Variants in ERG observed in about 807,000 individuals in gnomAD.
ERG encodes the protein transcriptional regulator ERG.
ERG carries 9 observed loss-of-function variants against 55.3 expected under a neutral mutation model. The ratio of observed to expected loss-of-function variants is 0.16; its 90% CI spans 0.10 to 0.28. The LOEUF (loss-of-function observed/expected upper bound fraction) is 0.28, where lower values mean the gene tolerates loss of function less well. Ranked by LOEUF, ERG falls within the 10% of genes least tolerant of loss-of-function variation. ERG has a pLI of 1.00. For synonymous variants in ERG, 223 were observed against 237.3 expected, an observed-to-expected ratio of 0.94 and a Z score of 0.55; for missense variants, 434 against 631.6, an observed-to-expected ratio of 0.69 and a Z score of 3.35.
intron 1 of ERG, among the ~76,000 whole-genome samples, chr21:38,622,319 C>T (rs1428322800): frequency 4.6e-5 from 7 of 152,176 alleles, no homozygotes; most frequent in Admixed American, 6.5e-5. Flanking sequence ...GGCTCTGCCG[C>T]GCCGAGGGAA....
chr21:38,467,582 C>T (rs142737005), intron 1 of ERG, among the ~76,000 whole-genome samples: 4 of 152,218 alleles, frequency 2.6e-5, no homozygotes, highest in Non-Finnish European at 4.4e-5. Context: ...GACACACCCG[C>T]GGAGGTTCTG....
intron 1 of ERG, among the ~76,000 whole-genome samples, chr21:38,652,906 T>C (rs459813): frequency 0.74 from 113,059 of 152,118 alleles, 42,076 homozygotes; most frequent in Middle Eastern, 0.77. Flanking sequence ...TTTCATGATG[T>C]GCACATTCAC....
In ERG at chr21:38,642,522, C is replaced by T. The variant is rs527534036; in HGVS notation, c.-150+19136G>A. The stretch of plus-strand genomic sequence containing the variant: ...CTCTCACCTGCAGATTCTCAGAGCA[C>T]ACTACATCCTGCCAAGTCTCCAGCG... On this transcript the variant is annotated intron_variant, in intron 1 of 10. Coordinates refer to the ERG transcript ENST00000398910. 7.9e-5 allele frequency among the ~76,000 whole-genome samples: 12 copies of T among 152,262 alleles called. No individual in the cohort carries two copies. The South Asian group carries it at 2.3e-3, about 29-fold the overall frequency.
intron 2 of ERG, among the ~76,000 whole-genome samples, chr21:38,431,653 A>G (rs1173479302): frequency 6.6e-6 from 1 of 152,214 alleles, no homozygotes; most frequent in African/African-American, 2.4e-5. Flanking sequence ...CAAAGACACA[A>G]GTGCATCTGA....
At chr21:38,498,545 G>C (rs1568857030), upstream of ERG, 1 of 1,355,028 alleles carries the variant, frequency 7.4e-7, no homozygotes, top group Non-Finnish European at 9.4e-7. The surrounding 1 kb of genome is among the most constrained non-coding windows in gnomAD (Gnocchi z 4.6). Flanking sequence ...GGTCCTGGCT[G>C]TCCAGCCCAA....
At chr21:38,370,101 G>C in the ERG span, among the ~76,000 whole-genome samples, 1 of 151,938 alleles carries the variant, frequency 6.6e-6, no homozygotes, top group East Asian at 1.9e-4. Flanking sequence ...TTGGCTATTC[G>C]GGCTTTTTCA....
intron 2 of ERG, among the ~76,000 whole-genome samples, chr21:38,565,753 G>T (rs113199876): frequency 0.022 from 3,379 of 152,188 alleles, 61 homozygotes; most frequent in Non-Finnish European, 0.038. Context: ...CTCCTGCTTT[G>T]TTCTGGAGAA....
rs545224845 is a variant in ERG, at chr21:38,557,173, C to A, written c.-41+18489G>T. Among the ~76,000 whole-genome samples the A allele has an allele frequency of 2.6e-5, 4 of 152,296 alleles. No homozygotes were observed. The South Asian group carries it at 8.3e-4, about 32-fold the overall frequency. On this transcript the variant is annotated intron_variant, in intron 2 of 8. Coordinates refer to the ERG transcript ENST00000398897. Reference sequence around the variant, plus strand: ...TTCTGTGACCTTGTGCCACTGATATCATGGGTTCTATCCTTCAGAGTGCTA... The same window carrying A: ...TTCTGTGACCTTGTGCCACTGATATAATGGGTTCTATCCTTCAGAGTGCTA...
At chr21:38,377,461 T>C (rs1407476216), downstream of ERG, among the ~76,000 whole-genome samples, 1 of 152,188 alleles carries the variant, frequency 6.6e-6, no homozygotes, top group East Asian at 1.9e-4. Flanking sequence ...TCACCCTTAA[T>C]TTAAAAAGGT....
At chr21:38,615,466 A>C (rs466310) in intron 1 of ERG, among the ~76,000 whole-genome samples, 1 of 151,890 alleles carries the variant, frequency 6.6e-6, no homozygotes, top group East Asian at 1.9e-4. Flanking sequence ...AAAAGTCTTC[A>C]AGTAAAGGAG....
chr21:38,405,261 A>G (rs1275954473), intron 3 of ERG, among the ~76,000 whole-genome samples: 1 of 152,178 alleles, frequency 6.6e-6, no homozygotes, highest in Non-Finnish European at 1.5e-5. Context: ...ATGATTTGCT[A>G]TTGGCACTCA....
At chr21:38,617,184 T>G (rs2060264112) in intron 1 of ERG, among the ~76,000 whole-genome samples, 2 of 152,204 alleles carry the variant, frequency 1.3e-5, no homozygotes, top group South Asian at 4.1e-4. Flanking sequence ...GACATCAAGT[T>G]TCTTCCAATT....
chr21:38,464,332 C>G (rs544336634), intron 1 of ERG, among the ~76,000 whole-genome samples: 1 of 152,238 alleles, frequency 6.6e-6, no homozygotes, highest in African/African-American at 2.4e-5. Context: ...CACATCCATC[C>G]GTAGTCCCAA....
At chr21:38,612,909 C>A (rs965226457) in intron 1 of ERG, among the ~76,000 whole-genome samples, 3 of 152,202 alleles carry the variant, frequency 2.0e-5, no homozygotes, top group African/African-American at 7.2e-5. Flanking sequence ...GATCCACCCA[C>A]CTTGGCCTCC....
intron 2 of ERG, among the ~76,000 whole-genome samples, chr21:38,424,180 A>AGCGC: frequency 2.8e-5 from 1 of 35,494 alleles, no homozygotes; most frequent in East Asian, 1.1e-3. Flanking sequence ...AAGAGACCAG[A>AGCGC]GCTCGAGCTC....
chr21:38,376,048 G>T (rs964768099), downstream of ERG, among the ~76,000 whole-genome samples: 1 of 152,174 alleles, frequency 6.6e-6, no homozygotes, highest in African/African-American at 2.4e-5. Flanking sequence ...CAAGTACTCA[G>T]CCTTCCTTGA....
At chr21:38,601,790 A>C (rs370771831) in intron 1 of ERG, among the ~76,000 whole-genome samples, 2 of 152,242 alleles carry the variant, frequency 1.3e-5, no homozygotes, top group South Asian at 2.1e-4. Flanking sequence ...GAAGCAACTT[A>C]AAATAAATTT....
chr21:38,633,123 A>C (rs1359811380), intron 1 of ERG, among the ~76,000 whole-genome samples: 1 of 152,242 alleles, frequency 6.6e-6, no homozygotes, highest in African/African-American at 2.4e-5. Flanking sequence ...TAAGCCAGCC[A>C]CAAAAAAAAG....
At chr21:38,601,922 C>T (rs1465230879) in intron 1 of ERG, among the ~76,000 whole-genome samples, 1 of 152,010 alleles carries the variant, frequency 6.6e-6, no homozygotes, top group Non-Finnish European at 1.5e-5. Context: ...CCCTCTGTTG[C>T]CCAGGCTGGA....
Sources: allele counts gnomAD v4.1 joint callset (sites outside exome capture counted in the v4.1 genomes callset), GRCh38; gene constraint gnomAD v4.1.1; non-coding constraint Gnocchi (gnomAD v3.1); transcripts MANE v1.5; gene names NCBI Gene and HGNC (gene_info 2026-07-23, HGNC 2026-07-21).